The following ACTMAP variants were observed in gnomAD, a reference collection of about 807,000 sequenced individuals.
ACTMAP encodes UPF0692 protein C19orf54.
At chr19:40,747,880 A>C in the ACTMAP span, among the ~76,000 whole-genome samples, 1 of 151,982 alleles carries the variant, frequency 6.6e-6, no homozygotes, top group Non-Finnish European at 1.5e-5. Flanking sequence ...ACAAACAAAC[A>C]AACAAACAGC....
At chr19:40,742,302 G>T in the ACTMAP span, 2 of 893,682 alleles carry the variant, frequency 2.2e-6, no homozygotes, top group Non-Finnish European at 3.4e-6. Context: ...TGCAGGGGGT[G>T]GCCCTGATGA....
chr19:40,744,238 C>T, the ACTMAP span: 36 of 1,511,634 alleles, frequency 2.4e-5, no homozygotes, highest in South Asian at 4.6e-4. Context: ...CTGCATGTGC[C>T]CAGCACCGTG....
the ACTMAP span, among the ~76,000 whole-genome samples, chr19:40,748,814 G>T: frequency 6.6e-6 from 1 of 152,022 alleles, no homozygotes; most frequent in Non-Finnish European, 1.5e-5. Flanking sequence ...GCATTTGCAC[G>T]ACTTGCTCAA....
the ACTMAP span, among the ~76,000 whole-genome samples, chr19:40,743,614 G>A: frequency 2.0e-5 from 3 of 152,156 alleles, no homozygotes; most frequent in Admixed American, 2.0e-4. Flanking sequence ...ATTTCCAGAT[G>A]GGGAAAGGAG....
chr19:40,740,865 G>C, the ACTMAP span: 1 of 397,850 alleles, frequency 2.5e-6, no homozygotes, highest in Admixed American at 4.4e-5. Context: ...AGCCAATGTC[G>C]TAGAGCTTTT....
At chr19:40,745,268 G>A in the ACTMAP span, 1 of 1,466,510 alleles carries the variant, frequency 6.8e-7, no homozygotes, top group Non-Finnish European at 9.3e-7. Flanking sequence ...GGTCTGGCTG[G>A]GAGTGGTCGT....
At chr19:40,742,238 A>G in the ACTMAP span, 10 of 717,464 alleles carry the variant, frequency 1.4e-5, no homozygotes, top group Admixed American at 6.0e-5. Context: ...GGCAGGCCGC[A>G]GGGTCCGGGC....
chr19:40,749,438 C>G, the ACTMAP span: 1 of 1,283,828 alleles, frequency 7.8e-7, no homozygotes, highest in Non-Finnish European at 1.1e-6. Flanking sequence ...TGTGAAGTGT[C>G]TAGGGCAGAG....
At chr19:40,749,195 T>C in the ACTMAP span, among the ~76,000 whole-genome samples, 1 of 152,076 alleles carries the variant, frequency 6.6e-6, no homozygotes, top group African/African-American at 2.4e-5. Context: ...TTCACCATAT[T>C]GGTCAGGCAG....
the ACTMAP span, chr19:40,745,060 C>T: frequency 3.3e-6 from 5 of 1,520,424 alleles, no homozygotes; most frequent in Admixed American, 9.8e-5. Context: ...CCAGATCAGT[C>T]CTTAAGAAGC....
the ACTMAP span, chr19:40,744,682 A>G: frequency 6.2e-7 from 1 of 1,606,772 alleles, no homozygotes; most frequent in Non-Finnish European, 8.5e-7. Flanking sequence ...ACCAGCCCGC[A>G]TCTGGGGACA....
At chr19:40,749,410 C>CA in the ACTMAP span, 1 of 1,420,626 alleles carries the variant, frequency 7.0e-7, no homozygotes. Context: ...GGGAACCCCC[C>CA]CCCCACCCCA....
chr19:40,740,861 T>C, the ACTMAP span: 1 of 397,644 alleles, frequency 2.5e-6, no homozygotes, highest in Non-Finnish European at 4.4e-6. Flanking sequence ...TCAGAGCCAA[T>C]GTCGTAGAGC....
chr19:40,749,821 G>A, the ACTMAP span: 1 of 1,409,116 alleles, frequency 7.1e-7, no homozygotes, highest in Non-Finnish European at 9.3e-7. Flanking sequence ...TCTACAGGAG[G>A]TGTTGAGAGG....
the ACTMAP span, chr19:40,744,601 C>G: frequency 6.2e-7 from 1 of 1,613,852 alleles, no homozygotes. Flanking sequence ...CTTTCCGTGG[C>G]CACCCGTATG....
the ACTMAP span, chr19:40,749,895 G>C: frequency 6.6e-6 from 7 of 1,063,358 alleles, no homozygotes; most frequent in Non-Finnish European, 9.0e-6. Context: ...AGATTTTAAA[G>C]GTTTAAGAGC....
chr19:40,742,288 A>G, the ACTMAP span: 1,195 of 844,424 alleles, frequency 1.4e-3, 6 homozygotes, highest in African/African-American at 0.018. Flanking sequence ...CTGGTGCTCA[A>G]TACTGCAGGG....
At chr19:40,744,095 G>A in the ACTMAP span, 1 of 1,613,876 alleles carries the variant, frequency 6.2e-7, no homozygotes, top group South Asian at 1.1e-5. Context: ...CCAGTGACCA[G>A]GTGCTGCAGG....
the ACTMAP span, chr19:40,741,909 C>T: frequency 6.6e-6 from 3 of 451,316 alleles, no homozygotes; most frequent in Non-Finnish European, 1.3e-5. Context: ...ACTGGGGCTG[C>T]AGGACTCTTC....
Sources: gnomAD v4.1 joint callset for allele counts (sites outside exome capture counted in the v4.1 genomes callset) on GRCh38, gnomAD v4.1.1 for gene constraint, MANE v1.5 for transcripts, NCBI Gene and HGNC (gene_info 2026-07-23, HGNC 2026-07-21) for gene names.